DOCK3: variants seen among roughly 807,000 people sequenced by gnomAD.
The protein encoded by DOCK3 is dedicator of cytokinesis protein 3.
DOCK3 carries 60 observed loss-of-function variants against 265.6 expected under a neutral mutation model. That is an observed-to-expected ratio of 0.23 (90% CI 0.18 to 0.28). The LOEUF (loss-of-function observed/expected upper bound fraction) is 0.28, where lower values mean the gene tolerates loss of function less well. Among genes scored for constraint, DOCK3 ranks in the 10% least tolerant of loss-of-function variants. The pLI is 1.00. For missense variants in DOCK3, 1,981 were observed against 2,594.3 expected (o/e 0.76, Z 5.14); for synonymous variants, 881 against 938.0 (o/e 0.94, Z 1.11).
chr3:51,211,138 C>A (rs2089475359), intron 13 of DOCK3, among the ~76,000 whole-genome samples: 1 of 152,128 alleles, frequency 6.6e-6, no homozygotes, highest in African/African-American at 2.4e-5. Context: ...TAATCCTCAT[C>A]CAGCATTTCC....
In DOCK3 at chr3:50,689,044, A is replaced by G. The variant is rs913768217; in HGVS notation, c.37+13744A>G. On this transcript the variant is annotated intron_variant, in intron 1 of 52. Transcript: ENST00000266037. ...GGATTGTGACTTAAAGCCTGCCACCAGATACAGCTGTGTTAAGTACATTAA... is the reference window on the plus strand; with the variant it reads ...GGATTGTGACTTAAAGCCTGCCACCGGATACAGCTGTGTTAAGTACATTAA... Among the ~76,000 whole-genome samples, 10 of 152,220 alleles carry G rather than the reference A, an allele frequency of 6.6e-5. No homozygotes were observed. The East Asian group carries it at 1.3e-3, about 21-fold the overall frequency.
intron 14 of DOCK3, among the ~76,000 whole-genome samples, chr3:51,216,831 G>C (rs146347447): frequency 5.9e-5 from 9 of 152,288 alleles, no homozygotes; most frequent in African/African-American, 1.4e-4. Context: ...GAAGTCCTTA[G>C]GAGTCTTTTT....
intron 6 of DOCK3, among the ~76,000 whole-genome samples, chr3:51,074,110 C>T (rs1485339207): frequency 2.0e-5 from 3 of 152,134 alleles, no homozygotes; most frequent in Non-Finnish European, 4.4e-5. Context: ...TCTTTCTTCT[C>T]TATAATCCCA....
intron 1 of DOCK3, among the ~76,000 whole-genome samples, chr3:50,747,229 A>C (rs1449476269): frequency 6.6e-6 from 1 of 152,234 alleles, no homozygotes; most frequent in Non-Finnish European, 1.5e-5. Flanking sequence ...CTTTATAATA[A>C]TTCTTGAGAT....
chr3:50,837,931 G>C (rs2107210024), intron 2 of DOCK3, among the ~76,000 whole-genome samples: 1 of 152,294 alleles, frequency 6.6e-6, no homozygotes, highest in East Asian at 1.9e-4. Context: ...GAGAGTGGTG[G>C]AAGTTGAGAT....
intron 12 of DOCK3, among the ~76,000 whole-genome samples, chr3:51,201,032 C>T (rs1175515779): frequency 6.6e-6 from 1 of 152,062 alleles, no homozygotes; most frequent in African/African-American, 2.4e-5. Flanking sequence ...AAGCACTAAA[C>T]ATGGAAAGGA....
intron 22 of DOCK3, among the ~76,000 whole-genome samples, chr3:51,252,038 A>G (rs1260705580): frequency 1.3e-5 from 2 of 152,172 alleles, no homozygotes; most frequent in Non-Finnish European, 2.9e-5. Flanking sequence ...TAATTTTTGT[A>G]TAAGGTGTAA....
intron 5 of DOCK3, among the ~76,000 whole-genome samples, chr3:50,951,852 A>G (rs1393913058): frequency 2.6e-5 from 4 of 152,142 alleles, no homozygotes; most frequent in Non-Finnish European, 1.5e-5. Flanking sequence ...ACTTGATTTC[A>G]TTTAACTTAC....
intron 1 of DOCK3, among the ~76,000 whole-genome samples, chr3:50,691,009 G>A (rs150689942): frequency 0.025 from 3,779 of 151,822 alleles, 182 homozygotes; most frequent in African/African-American, 0.087. Context: ...ATGGCCGGGC[G>A]CGGTGGCTCA....
chr3:50,881,523 A>G (rs2048022241), intron 3 of DOCK3, among the ~76,000 whole-genome samples: 1 of 152,166 alleles, frequency 6.6e-6, no homozygotes, highest in African/African-American at 2.4e-5. Flanking sequence ...CAATTGCTTC[A>G]AAGAGAGTAA....
At chr3:51,112,338 A>C (rs2083556785) in intron 9 of DOCK3, among the ~76,000 whole-genome samples, 1 of 152,204 alleles carries the variant, frequency 6.6e-6, no homozygotes, top group South Asian at 2.1e-4. Flanking sequence ...CCAGACTCAA[A>C]AGGATACATA....
chr3:50,722,170 C>T (rs150202102), intron 1 of DOCK3, among the ~76,000 whole-genome samples: 72 of 152,272 alleles, frequency 4.7e-4, no homozygotes, highest in African/African-American at 1.7e-3. Flanking sequence ...TTATCAAGTG[C>T]ATAGCAGCAT....
At chr3:51,133,147 G>A (rs556427272) in intron 9 of DOCK3, among the ~76,000 whole-genome samples, 11 of 152,232 alleles carry the variant, frequency 7.2e-5, no homozygotes, top group African/African-American at 2.4e-4. Flanking sequence ...CACTACACTC[G>A]AAAAGAACTG....
At position 51,382,626 on chromosome 3, in the gene DOCK3, G is replaced by A. The variant is rs1057365380; in HGVS notation, c.*1067G>A. 2.0e-5 allele frequency: 3 copies of A among 152,582 alleles called. No homozygotes were observed. Among genetic ancestry groups the A allele is most frequent in the Non-Finnish European group, 4.4e-5 (3 of 68,088 alleles). 9.5% of individuals were successfully genotyped at this position (152,582 alleles called of 1,614,324 possible). On this transcript the variant is annotated 3_prime_UTR_variant, in exon 53 of 53. Coordinates refer to ENST00000266037, the MANE Select transcript of DOCK3 (RefSeq NM_004947.5). ...ATGTGGTCAGGTTCAGCAGGCTCCTGGGTAAAGAGGGTGGGAGGGGGCTTC... is the reference window on the plus strand; with the variant it reads ...ATGTGGTCAGGTTCAGCAGGCTCCTAGGTAAAGAGGGTGGGAGGGGGCTTC...
intron 52 of DOCK3, 47 bp downstream of exon 52, chr3:51,380,254 C>G (rs369340029): frequency 3.2e-6 from 5 of 1,543,166 alleles, no homozygotes; most frequent in Non-Finnish European, 4.4e-6. Context: ...GATGAGTCAT[C>G]TCGTCTGCTC....
chr3:51,248,897 A>C (rs2078989063), intron 22 of DOCK3, among the ~76,000 whole-genome samples: 1 of 147,178 alleles, frequency 6.8e-6, no homozygotes, highest in Non-Finnish European at 1.5e-5. Flanking sequence ...CCCGTCTGGG[A>C]GGTGAGGAGC....
At position 50,979,702 on chromosome 3, in the gene DOCK3, C is replaced by A. The variant is rs9818282; in HGVS notation, c.315+45625C>A. On this transcript the variant is annotated intron_variant, in intron 5 of 52. Transcript: ENST00000266037. ...AATAAATTACCCAGCCTCAGGTATA[C>A]ATTTATGGCAACAGACTGACACAGA... Among the ~76,000 whole-genome samples the A allele has an allele frequency of 2.7e-3, 417 of 152,330 alleles. 1 individual carries two copies. Among genetic ancestry groups the A allele is most frequent in the African/African-American group, 9.6e-3 (399 of 41,586 alleles).
chr3:51,075,426 G>T lies in DOCK3; in HGVS notation c.535G>T (p.Asp179Tyr). 1 of 1,608,760 alleles carries T rather than the reference G, an allele frequency of 6.2e-7. No individual in the cohort carries two copies. Among genetic ancestry groups the T allele is most frequent in the Non-Finnish European group, 8.5e-7 (1 of 1,177,648 alleles). ...VVDSDQISVS[D>Y]LYKMHLSSRQ... ...GGACTCGGACCAGATTAGTGTCTCA[G>T]ATCTCTATAAGATGGTAAGAAATCT... Residue 179 changes from aspartate to tyrosine, a missense_variant, in exon 7 of 53, where the codon GAT becomes TAT. Transcript: ENST00000266037.
rs1384024007 is a variant in DOCK3 at position 50,786,440 on chromosome 3, C to G, written c.121+7682C>G. Among the ~76,000 whole-genome samples the G allele has an allele frequency of 5.9e-5, 9 of 152,122 alleles. No individual in the cohort carries two copies. The East Asian group carries it at 1.7e-3, about 29-fold the overall frequency. Reference sequence around the variant, plus strand: ...AGATCTGTTGTTTCAGTGACAACCACAGAACTCTTAGTGGAGGCCAAGGAG... The same window carrying G: ...AGATCTGTTGTTTCAGTGACAACCAGAGAACTCTTAGTGGAGGCCAAGGAG... On this transcript the variant is annotated intron_variant, in intron 2 of 52. Coordinates refer to ENST00000266037, the MANE Select transcript of DOCK3 (RefSeq NM_004947.5).
Sources: allele counts gnomAD v4.1 joint callset (sites outside exome capture counted in the v4.1 genomes callset), GRCh38; gene constraint gnomAD v4.1.1; transcripts MANE v1.5; gene names NCBI Gene and HGNC (gene_info 2026-07-23, HGNC 2026-07-21).